The following DOCK7 variants were observed in gnomAD, a reference collection of about 807,000 sequenced individuals.
DOCK7 encodes dedicator of cytokinesis 7, also known as dedicator of cytokinesis protein 7.
DOCK7 carries 138 observed loss-of-function variants against 271.0 expected under a neutral mutation model. The observed-to-expected ratio is 0.51, with a 90% confidence interval of 0.44 to 0.59. The LOEUF is 0.59. DOCK7 is among the 20% of genes least tolerant of loss of function. The pLI, the probability that DOCK7 is intolerant of heterozygous loss-of-function variation, is 0.00. For synonymous variants in DOCK7, 823 were observed against 876.1 expected (o/e 0.94, Z 1.07); for missense variants, 2,066 against 2,592.4 (o/e 0.80, Z 4.41).
rs144300241 is a variant in DOCK7, at chr1:62,613,433, G to A, written c.1682+5273C>T. ...CTGTGTGTGGGAGGTAGGGAGGCGC[G>A]GGGAACGACAGAGTTTGTTATTTAA... On this transcript the variant is annotated intron_variant, in intron 14 of 49. Transcript: ENST00000635253. Among the ~76,000 whole-genome samples the A allele has an allele frequency of 2.8e-3, 427 of 152,172 alleles. 2 individuals carry two copies. Among genetic ancestry groups the A allele is most frequent in the African/African-American group, 9.7e-3 (402 of 41,522 alleles).
At position 62,670,194 on chromosome 1, in the gene DOCK7, G is replaced by C. The variant is rs910187055; in HGVS notation, c.39-7064C>G. On this transcript the variant is annotated intron_variant, in intron 1 of 49. Transcript: ENST00000635253. ...TCACCCCCTCCGTGGGCTCCTTTGC[G>C]GCCCGAGCCTCCCCGACGAGCGCCA... is the stretch of plus-strand genomic sequence containing the variant. Among the ~76,000 whole-genome samples, 7 of 152,336 alleles carry C rather than the reference G, an allele frequency of 4.6e-5. 1 individual carries two copies. Among genetic ancestry groups the C allele is most frequent in the Admixed American group, 2.0e-4 (3 of 15,310 alleles).
Position 62,524,931 on chromosome 1 carries a change from C to CTATATATATATATATATATATATATATA in DOCK7, c.3936+3219_3936+3220insTATATATATATATATATATATATATATA, listed in dbSNP as rs147371901. Among the ~76,000 whole-genome samples, 941 of 103,124 alleles carry CTATATATATATATATATATATATATATA rather than the reference C, an allele frequency of 9.1e-3. 14 individuals are homozygous for CTATATATATATATATATATATATATATA. Among genetic ancestry groups the CTATATATATATATATATATATATATATA allele is most frequent in the Non-Finnish European group, 0.012 (616 of 51,886 alleles). 67.7% of individuals were successfully genotyped at this position (103,124 alleles called of 152,430 possible). A position where few individuals can be genotyped will look rare whatever the true frequency, so the allele number is the denominator to read the frequency against. ...AACAAAACAAAACCAACCAACCAAACTATATATATATATATATATATATAT... is the reference window on the plus strand; with the variant it reads ...AACAAAACAAAACCAACCAACCAAACTATATATATATATATATATATATATATATATATATATATATATATATATATAT... On this transcript the variant is annotated intron_variant, in intron 31 of 49. Transcript: ENST00000635253.
At chr1:62,529,853 T>A (rs548826318) in intron 29 of DOCK7, among the ~76,000 whole-genome samples, 1 of 152,306 alleles carries the variant, frequency 6.6e-6, no homozygotes, top group East Asian at 1.9e-4. Context: ...CAAAAATAAA[T>A]TATTCCCTTT....
intron 49 of DOCK7, among the ~76,000 whole-genome samples, chr1:62,456,800 G>A (rs900944034): frequency 3.3e-5 from 5 of 152,036 alleles, no homozygotes; most frequent in Non-Finnish European, 2.9e-5. Context: ...GACTGGGAGA[G>A]GGGGAGTGGA....
chr1:62,634,638 C>T, intron 9 of DOCK7, 135 bp downstream of exon 9: 1 of 906,208 alleles, frequency 1.1e-6, no homozygotes, highest in South Asian at 1.9e-5. Flanking sequence ...TGTGTATGTC[C>T]AATATTGTGT....
chr1:62,648,176 C>T lies in DOCK7; in HGVS notation c.662G>A (p.Arg221His), dbSNP rs761394671. The change falls in exon 6 of 50, where the codon CGT (arginine) becomes CAT (histidine). Residue 221 changes from arginine (R) to histidine (H), a missense_variant. Arg to His is a conservative substitution (Grantham distance 29). Around this residue, in one of 2 missense-constraint regions of DOCK7, gnomAD observed 1,414 missense variants for 1,670.4 expected, o/e 0.85. Transcript: ENST00000635253. ...LDRTPNEEID[R>H]QNDDQRKSNR... Reference sequence around the variant, plus strand: ...TGATTTCCTTTGGTCATCATTCTGACGGTCTATTTCTTCATTTGGAGTTCG... The same window carrying T: ...TGATTTCCTTTGGTCATCATTCTGATGGTCTATTTCTTCATTTGGAGTTCG... 3.6e-5 allele frequency: 58 copies of T among 1,613,410 alleles called. No homozygotes were observed. Among genetic ancestry groups the T allele is most frequent in the Middle Eastern group, 3.3e-4 (2 of 6,080 alleles).
intron 48 of DOCK7, chr1:62,459,261 T>G (rs1645441502): frequency 6.7e-6 from 1 of 150,046 alleles, no homozygotes; most frequent in Non-Finnish European, 1.5e-5. Flanking sequence ...TTTTTTTTTT[T>G]GAGACAGTGT....
intron 18 of DOCK7, among the ~76,000 whole-genome samples, chr1:62,563,078 T>C (rs1646382633): frequency 6.6e-6 from 1 of 152,050 alleles, no homozygotes; most frequent in African/African-American, 2.4e-5. Flanking sequence ...GTGGAGGCCA[T>C]GTGGAGCAGT....
At chr1:62,594,014 G>T (rs2149516992) in intron 14 of DOCK7, among the ~76,000 whole-genome samples, 1 of 152,150 alleles carries the variant, frequency 6.6e-6, no homozygotes. Context: ...GCTCTTAAAT[G>T]TCCTAAAATT....
chr1:62,607,556 T>G (rs1651180693), intron 14 of DOCK7, among the ~76,000 whole-genome samples: 1 of 152,194 alleles, frequency 6.6e-6, no homozygotes, highest in Admixed American at 6.5e-5. Flanking sequence ...CTGTCAATCT[T>G]CCGAAAAGGA....
chr1:62,511,825 T>G (rs1644494565), intron 33 of DOCK7, among the ~76,000 whole-genome samples: 1 of 152,042 alleles, frequency 6.6e-6, no homozygotes, highest in Admixed American at 6.5e-5. Flanking sequence ...TTCTATCATT[T>G]ACATTTTTTC....
At chr1:62,576,673 T>C (rs954369814) in intron 18 of DOCK7, among the ~76,000 whole-genome samples, 1 of 152,242 alleles carries the variant, frequency 6.6e-6, no homozygotes, top group African/African-American at 2.4e-5. Context: ...ACAACCATTG[T>C]GTTTCTCTCA....
At chr1:62,584,168 G>A (rs1037359172) in intron 15 of DOCK7, 2 of 983,786 alleles carry the variant, frequency 2.0e-6, no homozygotes, top group Non-Finnish European at 2.4e-6. Flanking sequence ...TAATTAGAAG[G>A]GCATATTAGC....
chr1:62,552,781 C>G lies in DOCK7; in HGVS notation c.2717G>C (p.Gly906Ala). 2 of 1,613,466 alleles carry G rather than the reference C, an allele frequency of 1.2e-6. No individual in the cohort carries two copies. The highest frequency in any genetic ancestry group is 1.7e-6 in the Non-Finnish European group (2 of 1,179,756). The part of the protein sequence containing the change: ...SLSNSNPDIS[G>A]TPTSPDDEVR... ...TTCATCATCTGGTGACGTGGGAGTC[C>G]CAGATATATCTGGATTGCTATTACT... Residue 906 changes from glycine to alanine, a missense_variant, in exon 22 of 50, where the codon GGG (glycine) becomes GCG (alanine). By Grantham distance (60) the Gly-to-Ala change is moderately conservative. This residue lies in a region of DOCK7 where 1,414 missense variants were observed against 1,670.4 expected (regional missense o/e 0.85). Coordinates refer to ENST00000635253, the MANE Select transcript of DOCK7 (RefSeq NM_001367561.1).
chr1:62,510,647 C>T lies in DOCK7; in HGVS notation c.4309G>A (p.Gly1437Arg). The change falls in exon 34 of 50, where the codon GGA becomes AGA. Residue 1437 changes from glycine (G) to arginine (R), a missense_variant. Coordinates refer to ENST00000635253, the MANE Select transcript of DOCK7 (RefSeq NM_001367561.1). ...CTCCACCTCAAATTTTCTTGACTTC[C>T]AAAGGCACTTCCAGATGGGCTTCTC... ...PERSPSGSAF[G>R]SQENLRWRKD... 1.9e-6 allele frequency: 3 copies of T among 1,613,014 alleles called. No homozygotes were observed. The highest frequency in any genetic ancestry group is 2.5e-6 in the Non-Finnish European group (3 of 1,179,414).
chr1:62,524,927 C>T, intron 31 of DOCK7, among the ~76,000 whole-genome samples: 1 of 14,982 alleles, frequency 6.7e-5, no homozygotes, highest in East Asian at 1.9e-3. Flanking sequence ...ACCAACCAAC[C>T]AAACTATATA....
In DOCK7 at chr1:62,653,736, A is replaced by T. The variant is rs2149693568; in HGVS notation, c.378T>A (p.Ile126=). 6.3e-7 allele frequency: 1 copy of T among 1,578,500 alleles called. No individual in the cohort carries two copies. ...CIRSYTEDWA[I]VIRKYHKLGT... Reference sequence around the variant, plus strand: ...AACATATAACTTACTTTCTGATGACAATTGCCCAGTCTTCTGTATAACTTC... The same window carrying T: ...AACATATAACTTACTTTCTGATGACTATTGCCCAGTCTTCTGTATAACTTC... Residue 126 remains isoleucine (I), a synonymous_variant, in exon 4 of 50, where the codon ATT becomes ATA. Coordinates refer to ENST00000635253, the MANE Select transcript of DOCK7 (RefSeq NM_001367561.1).
intron 2 of DOCK7, among the ~76,000 whole-genome samples, chr1:62,661,694 A>C (rs1322753435): frequency 2.0e-5 from 3 of 152,146 alleles, no homozygotes; most frequent in African/African-American, 7.2e-5. Context: ...AGTGATGTGG[A>C]AGGACAATTG....
rs148069274 is a variant in DOCK7 at position 62,657,139 on chromosome 1, A to G, written c.145-2980T>C. Among the ~76,000 whole-genome samples the G allele has an allele frequency of 2.0e-5, 3 of 152,342 alleles. No individual in the cohort carries two copies. In the East Asian group the frequency reaches 5.8e-4, roughly 29 times the overall value. On this transcript the variant is annotated intron_variant, in intron 2 of 49. Transcript: ENST00000635253. ...ACTTGGGAACTGTCAGAGAAGGTCT[A>G]GTGGAGAGTAAGTACGTTCACCAAT...
Sources: allele counts gnomAD v4.1 joint callset (sites outside exome capture counted in the v4.1 genomes callset), GRCh38; gene constraint gnomAD v4.1.1; regional missense constraint gnomAD v4.1.1; transcripts MANE v1.5; gene names NCBI Gene and HGNC (gene_info 2026-07-23, HGNC 2026-07-21).